The following TRIM58 variants were observed in gnomAD, a reference collection of about 807,000 sequenced individuals.
The protein encoded by TRIM58 is tripartite motif containing 58, also known as E3 ubiquitin-protein ligase TRIM58.
In TRIM58, 38 loss-of-function variants were observed where a neutral mutation model predicts 34.1. The ratio of observed to expected loss-of-function variants is 1.12; its 90% confidence interval spans 0.86 to 1.46. The LOEUF is 1.46. TRIM58 is among the 40% of genes most tolerant of loss of function. TRIM58 has a pLI of 0.00. For synonymous variants in TRIM58, 273 were observed against 275.7 expected, an observed-to-expected ratio of 0.99 and a Z score of 0.10; for missense variants, 677 against 642.0, an observed-to-expected ratio of 1.05 and a Z score of -0.59.
In TRIM58 at chr1:247,857,639, G is replaced by T; in HGVS notation, c.393G>T (p.Pro131=). 8.1e-7 allele frequency: 1 copy of T among 1,235,968 alleles called. No homozygotes were observed. The highest frequency in any genetic ancestry group is 1.0e-6 in the Non-Finnish European group (1 of 990,312). 76.6% of individuals were successfully genotyped at this position (1,235,968 alleles called of 1,614,324 possible). A position where few individuals can be genotyped will look rare whatever the true frequency, so the allele number is the denominator to read the frequency against. Residue 131 remains proline (P), a synonymous_variant, in exon 1 of 6, where the codon CCG becomes CCT. Transcript: ENST00000366481. ...GPEHRTHRTA[P]LQEAAGSYQV... ...AGCACAGGACGCACCGCACGGCGCC[G>T]CTGCAGGAGGCCGCCGGCAGCTACC...
intron 5 of TRIM58, among the ~76,000 whole-genome samples, chr1:247,873,656 C>T (rs954042270): frequency 4.6e-5 from 7 of 152,262 alleles, no homozygotes; most frequent in South Asian, 2.1e-4. Context: ...TACGTGACCA[C>T]TCAGGTTGGG....
Position 247,860,622 on chromosome 1 carries a change from G to T in TRIM58, c.426G>T (p.Lys142Asn). 1 of 1,613,046 alleles carries T rather than the reference G, an allele frequency of 6.2e-7. No individual in the cohort carries two copies. Among genetic ancestry groups the T allele is most frequent in the Non-Finnish European group, 8.5e-7 (1 of 1,179,380 alleles). The change falls in exon 2 of 6, where the codon AAG (lysine) becomes AAT (asparagine). Residue 142 changes from lysine to asparagine, a missense_variant. Lys to Asn is a moderately conservative substitution (Grantham distance 94). Transcript: ENST00000366481. ...GCTGAAATGTTCCCAAACAGGTAAA[G>T]CTCCAGATGGCTCTGGAACTTATGA... ...LQEAAGSYQVKLQMALELMRK... is the reference protein window; with the variant it reads ...LQEAAGSYQVNLQMALELMRK...
At position 247,877,972 on chromosome 1, in the gene TRIM58, A is replaced by G. The variant is rs996222397; in HGVS notation, c.*1483A>G. ...TCAGGAGATTGAGACCATCCTGGCT[A>G]ACACAGTGAAACCCCGTCTCTACTA... On this transcript the variant is annotated 3_prime_UTR_variant, in exon 6 of 6. Coordinates refer to ENST00000366481, the MANE Select transcript of TRIM58 (RefSeq NM_015431.4). The G allele has an allele frequency of 2.0e-5, 3 of 152,066 alleles. No homozygotes were observed. Among genetic ancestry groups the G allele is most frequent in the Admixed American group, 1.3e-4 (2 of 15,246 alleles). 9.4% of individuals were successfully genotyped at this position (152,066 alleles called of 1,614,324 possible).
rs1553336615 is a variant in TRIM58, at chr1:247,860,685, CG to C, written c.490del (p.Val164TrpfsTer38). On this transcript the variant is annotated frameshift_variant, in exon 2 of 6. Coordinates refer to ENST00000366481, the MANE Select transcript of TRIM58 (RefSeq NM_015431.4). LOFTEE classifies it high-confidence loss of function. ...LEDALTQEAN[V>X]GKKTVIWKEK... ...AGGACGCCTTGACTCAGGAGGCCAA[CG>C]TGGGGAAAAAGACTGTCATTTGGAA... The C allele has an allele frequency of 1.2e-6, 2 of 1,613,452 alleles. No individual in the cohort carries two copies. The highest frequency in any genetic ancestry group is 1.7e-6 in the Non-Finnish European group (2 of 1,179,734).
At chr1:247,874,616 T>C (rs1453299712) in intron 5 of TRIM58, among the ~76,000 whole-genome samples, 1 of 152,202 alleles carries the variant, frequency 6.6e-6, no homozygotes, top group Non-Finnish European at 1.5e-5. Context: ...TTATTTATTA[T>C]GTATATGGGT....
intron 1 of TRIM58, 93 bp from the exon 2 acceptor site, chr1:247,860,524 C>A: frequency 1.3e-6 from 1 of 793,598 alleles, no homozygotes. Flanking sequence ...TTTCTAGGGA[C>A]TGTTTAAGTT....
chr1:247,876,124 A>T lies in TRIM58; in HGVS notation c.1096A>T (p.Thr366Ser), dbSNP rs1659279722. ...GTGGGGTTTAGGGGTCTGTCAAGAC[A>T]CACTGCCAAGAAAGGGGGAAACCAC... The part of the protein sequence containing the change: ...AEWGLGVCQD[T>S]LPRKGETTPS... The change falls in exon 6 of 6, where the codon ACA becomes TCA. Residue 366 changes from threonine (T) to serine (S), a missense_variant. Physicochemically the swap from Thr to Ser is moderately conservative, Grantham distance 58. Transcript: ENST00000366481. The T allele has an allele frequency of 6.2e-7, 1 of 1,614,150 alleles. No homozygotes were observed. Among genetic ancestry groups the T allele is most frequent in the African/African-American group, 1.3e-5 (1 of 75,042 alleles).
rs768724055 is a variant in TRIM58 at position 247,867,859 on chromosome 1, C to T, written c.762C>T (p.Val254=). ...ALGLLEGVRG[V]LSRSKAVTRL... ...TTCCTTTTCAGGGTGTGAGAGGAGT[C>T]CTGAGCAGGTATGTGTGCTTTCTGA... Residue 254 remains valine (V), a synonymous_variant, in exon 4 of 6, where the codon GTC becomes GTT. Transcript: ENST00000366481. The T allele has an allele frequency of 7.4e-6, 12 of 1,613,966 alleles. No homozygotes were observed. The highest frequency in any genetic ancestry group is 3.3e-5 in the South Asian group (3 of 91,080).
At chr1:247,874,951 G>A (rs918641188) in intron 5 of TRIM58, among the ~76,000 whole-genome samples, 1 of 152,158 alleles carries the variant, frequency 6.6e-6, no homozygotes, top group African/African-American at 2.4e-5. Context: ...TTGGTTGGGG[G>A]CTATTCTCAG....
chr1:247,868,820 A>G (rs1572575317), intron 5 of TRIM58, among the ~76,000 whole-genome samples: 2 of 152,216 alleles, frequency 1.3e-5, no homozygotes, highest in African/African-American at 4.8e-5. Context: ...GAGAAGGGGT[A>G]CGGAGCTTCC....
intron 1 of TRIM58, among the ~76,000 whole-genome samples, chr1:247,860,199 C>G (rs1379580655): frequency 6.6e-6 from 1 of 152,186 alleles, no homozygotes; most frequent in East Asian, 1.9e-4. Context: ...CCCAGTGGCT[C>G]ATGCCTATAA....
At position 247,876,551 on chromosome 1, in the gene TRIM58, T is replaced by C. The variant is rs1659294894; in HGVS notation, c.*62T>C. 1.5e-6 allele frequency: 2 copies of C among 1,314,490 alleles called. No individual in the cohort carries two copies. The highest frequency in any genetic ancestry group is 2.1e-6 in the Non-Finnish European group (2 of 954,076). The allele number at this position is 1,314,490 out of a possible 1,614,324, so 81.4% of individuals were successfully genotyped here. On this transcript the variant is annotated 3_prime_UTR_variant, in exon 6 of 6. Transcript: ENST00000366481. ...CGTTCCTGGAGTGGGGTGAAGGATA[T>C]CAATATACTAAGTTTTAACAGATAC...
intron 3 of TRIM58, among the ~76,000 whole-genome samples, chr1:247,866,114 A>G (rs1039555283): frequency 1.3e-5 from 2 of 152,124 alleles, no homozygotes; most frequent in Non-Finnish European, 1.5e-5. Context: ...ACTAAGAGTC[A>G]GAAAGGAATT....
At position 247,857,519 on chromosome 1, in the gene TRIM58, C is replaced by T. The variant is rs550147199; in HGVS notation, c.273C>T (p.Pro91=). The change falls in exon 1 of 6, where the codon CCC becomes CCT. Residue 91 remains proline (P), a synonymous_variant. Coordinates refer to ENST00000366481, the MANE Select transcript of TRIM58 (RefSeq NM_015431.4). ...SVRRLGLGAG[P]GARRCARHGE... is the part of the protein sequence containing the mutation. ...GGCGGCTGGGGTTGGGCGCGGGGCC[C>T]GGGGCGCGGCGATGCGCGCGGCACG... The T allele has an allele frequency of 1.6e-5, 21 of 1,283,346 alleles. No individual in the cohort carries two copies. The highest frequency in any genetic ancestry group is 6.3e-5 in the East Asian group (2 of 31,776). The allele number at this position is 1,283,346 out of a possible 1,614,324, so 79.5% of individuals were successfully genotyped here.
intron 2 of TRIM58, among the ~76,000 whole-genome samples, chr1:247,863,787 G>A (rs1434928966): frequency 3.3e-5 from 5 of 152,192 alleles, no homozygotes; most frequent in Admixed American, 3.3e-4. Context: ...GACGAAGTAT[G>A]TTCCTTAGGT....
intron 5 of TRIM58, among the ~76,000 whole-genome samples, chr1:247,873,843 G>A (rs897305248): frequency 2.6e-5 from 4 of 152,160 alleles, no homozygotes; most frequent in African/African-American, 9.6e-5. Flanking sequence ...GGTGGTGTGT[G>A]CCTTCCCAGC....
intron 5 of TRIM58, among the ~76,000 whole-genome samples, chr1:247,872,826 A>C (rs1659175792): frequency 6.6e-6 from 1 of 152,170 alleles, no homozygotes; most frequent in Non-Finnish European, 1.5e-5. Context: ...AGGATCAAGG[A>C]GTAGTGAGCA....
intron 3 of TRIM58, among the ~76,000 whole-genome samples, chr1:247,867,163 A>T (rs1015073934): frequency 6.6e-6 from 1 of 152,160 alleles, no homozygotes; most frequent in African/African-American, 2.4e-5. Context: ...GAGAATTAGG[A>T]ATTTATAATT....
intron 5 of TRIM58, among the ~76,000 whole-genome samples, chr1:247,871,420 G>A (rs1454842119): frequency 6.6e-6 from 1 of 152,146 alleles, no homozygotes; most frequent in African/African-American, 2.4e-5. Flanking sequence ...TAGTCTGATT[G>A]TATTATTCTT....
Sources: gnomAD v4.1 joint callset for allele counts (sites outside exome capture counted in the v4.1 genomes callset) on GRCh38, gnomAD v4.1.1 for gene constraint, MANE v1.5 for transcripts, NCBI Gene and HGNC (gene_info 2026-07-23, HGNC 2026-07-21) for gene names.